Variants in KIF18A observed in about 807,000 individuals in gnomAD.
KIF18A encodes the protein kinesin family member 18A, also known as kinesin-like protein KIF18A.
In KIF18A, 67 loss-of-function variants were observed where a neutral mutation model predicts 103.3. That is an observed-to-expected ratio of 0.65 (90% CI 0.53 to 0.79). The LOEUF (loss-of-function observed/expected upper bound fraction) is 0.79. Ranked by LOEUF, KIF18A falls within the 30% of genes least tolerant of loss-of-function variation. KIF18A has a pLI of 0.00. For synonymous variants in KIF18A, 367 were observed against 355.5 expected, an observed-to-expected ratio of 1.03 and a Z score of -0.36; for missense variants, 1,032 against 1,062.5, an observed-to-expected ratio of 0.97 and a Z score of 0.40.
Position 28,084,810 on chromosome 11 carries a change from T to C in KIF18A, c.898-2A>G. 1 of 1,606,410 alleles carries C rather than the reference T, an allele frequency of 6.2e-7. No homozygotes were observed. The highest frequency in any genetic ancestry group is 8.5e-7 in the Non-Finnish European group (1 of 1,176,104). On this transcript the variant is annotated splice_acceptor_variant, in intron 6 of 16. Coordinates refer to ENST00000263181, the MANE Select transcript of KIF18A (RefSeq NM_031217.4). LOFTEE classifies it high-confidence loss of function. ...GTAAGGGATATGCTGATTCTTTCTC[T>C]GAAAGCACAAAAAAGAGATCTTATG...
chr11:28,097,989 C>A lies in KIF18A; in HGVS notation c.-42G>T. ...TCCTATCTGTATAAATACTTGAATA[C>A]TTCTCTGAAATTAAAAAAGAAAATA... On this transcript the variant is annotated 5_prime_UTR_variant, in exon 2 of 17. Transcript: ENST00000263181. 2 of 1,361,574 alleles carry A rather than the reference C, an allele frequency of 1.5e-6. No individual in the cohort carries two copies. The highest frequency in any genetic ancestry group is 2.0e-6 in the Non-Finnish European group (2 of 1,004,536). The allele number at this position is 1,361,574 out of a possible 1,614,324, so 84.3% of individuals were successfully genotyped here. A position where few individuals can be genotyped will look rare whatever the true frequency, so the allele number is the denominator to read the frequency against.
chr11:28,057,470 G>A (rs556468625), intron 13 of KIF18A, among the ~76,000 whole-genome samples: 3 of 152,190 alleles, frequency 2.0e-5, no homozygotes, highest in East Asian at 1.9e-4. Context: ...AGCAGAGATC[G>A]CGCCACTGCA....
chr11:28,091,976 T>C (rs1851310946), intron 3 of KIF18A, among the ~76,000 whole-genome samples: 1 of 152,106 alleles, frequency 6.6e-6, no homozygotes, highest in African/African-American at 2.4e-5. Flanking sequence ...CCACCACGCC[T>C]GGCTAATTTT....
chr11:28,075,965 G>T lies in KIF18A; in HGVS notation c.1425+1042C>A, dbSNP rs571801492. Among the ~76,000 whole-genome samples, 4 of 152,076 alleles carry T rather than the reference G, an allele frequency of 2.6e-5. No individual in the cohort carries two copies. In the South Asian group the frequency reaches 8.3e-4, roughly 32 times the overall value. On this transcript the variant is annotated intron_variant, in intron 10 of 16. Coordinates refer to ENST00000263181, the MANE Select transcript of KIF18A (RefSeq NM_031217.4). ...ACTTTTTTTTCTTACCCCAGGCATG[G>T]TTACTTGGGGTAAGAAAAGCAACCA...
At chr11:28,038,444 T>A (rs61888964) in intron 13 of KIF18A, among the ~76,000 whole-genome samples, 12 of 151,770 alleles carry the variant, frequency 7.9e-5, no homozygotes, top group African/African-American at 1.4e-4. Context: ...GAGTGTACGG[T>A]CAATGGAAGA....
At chr11:28,081,611 G>A (rs370826809) in intron 9 of KIF18A, among the ~76,000 whole-genome samples, 12 of 152,196 alleles carry the variant, frequency 7.9e-5, no homozygotes, top group African/African-American at 2.2e-4. Flanking sequence ...AATACACCTG[G>A]TCACTCAGGA....
At position 28,035,497 on chromosome 11, in the gene KIF18A, G is replaced by C; in HGVS notation, c.2397-3C>G. On this transcript the variant is annotated splice_polypyrimidine_tract_variant and splice_region_variant and intron_variant, in intron 14 of 16. Transcript: ENST00000263181. Reference sequence around the variant, plus strand: ...TTGAGAATGAAGAAGGATCAAGCCTGTATATTAATAGTGACAAATAAAAAA... The same window carrying C: ...TTGAGAATGAAGAAGGATCAAGCCTCTATATTAATAGTGACAAATAAAAAA... 1 of 1,525,448 alleles carries C rather than the reference G, an allele frequency of 6.6e-7. No homozygotes were observed. The highest frequency in any genetic ancestry group is 8.9e-7 in the Non-Finnish European group (1 of 1,120,298). The allele number at this position is 1,525,448 out of a possible 1,614,324, so 94.5% of individuals were successfully genotyped here.
At chr11:28,024,621 T>A (rs1295826729) in intron 15 of KIF18A, among the ~76,000 whole-genome samples, 1 of 152,104 alleles carries the variant, frequency 6.6e-6, no homozygotes, top group East Asian at 1.9e-4. Flanking sequence ...AAGGTTTCCA[T>A]AATACAAGGA....
chr11:28,089,331 G>A (rs536136324), intron 5 of KIF18A, among the ~76,000 whole-genome samples: 1 of 152,312 alleles, frequency 6.6e-6, no homozygotes, highest in African/African-American at 2.4e-5. Flanking sequence ...GAGAGAAAAT[G>A]ATAAAATCCA....
chr11:28,101,040 C>T (rs1036324029), intron 1 of KIF18A, among the ~76,000 whole-genome samples: 3 of 152,146 alleles, frequency 2.0e-5, no homozygotes, highest in Non-Finnish European at 2.9e-5. Context: ...ATCTGCCCCA[C>T]TCCTGCTTCT....
At chr11:28,091,560 TG>T in intron 3 of KIF18A, 47 bp from the exon 4 acceptor site, 1 of 919,878 alleles carries the variant, frequency 1.1e-6, no homozygotes, top group Admixed American at 2.2e-5. Context: ...AAAAAAAAAA[TG>T]GTGATTACAT....
rs765252732 is a variant in KIF18A at position 28,082,844 on chromosome 11, T to C, written c.1262+12A>G. 2 of 1,460,058 alleles carry C rather than the reference T, an allele frequency of 1.4e-6. No individual in the cohort carries two copies. The highest frequency in any genetic ancestry group is 1.9e-6 in the Non-Finnish European group (2 of 1,059,810). The allele number at this position is 1,460,058 out of a possible 1,614,324, so 90.4% of individuals were successfully genotyped here. On this transcript the variant is annotated intron_variant, in intron 9 of 16. Coordinates refer to ENST00000263181, the MANE Select transcript of KIF18A (RefSeq NM_031217.4). ...TAAATTCCTCAAAATTAGATCTTAATGTAATGTTTACCTTTCGATTTCTTT... is the reference window on the plus strand; with the variant it reads ...TAAATTCCTCAAAATTAGATCTTAACGTAATGTTTACCTTTCGATTTCTTT...
At chr11:28,031,689 A>C (rs933566698) in intron 15 of KIF18A, among the ~76,000 whole-genome samples, 2 of 151,758 alleles carry the variant, frequency 1.3e-5, no homozygotes, top group African/African-American at 2.4e-5. Flanking sequence ...AAAAAAAAAA[A>C]CAACTCTCAA....
Position 28,096,065 on chromosome 11 carries a change from G to A in KIF18A, c.326-1265C>T, listed in dbSNP as rs1590711472. 2.2e-5 allele frequency among the ~76,000 whole-genome samples: 3 copies of A among 136,230 alleles called. No individual in the cohort carries two copies. The Admixed American group carries it at 2.4e-4, about 11-fold the overall frequency. The allele number at this position is 136,230 out of a possible 152,430, so 89.4% of individuals were successfully genotyped here. A position where few individuals can be genotyped will look rare whatever the true frequency, so the allele number is the denominator to read the frequency against. On this transcript the variant is annotated intron_variant, in intron 2 of 16. Coordinates refer to ENST00000263181, the MANE Select transcript of KIF18A (RefSeq NM_031217.4). ...AAATCCACTCTGTGAATTACATATGGTAAATACCCAATACAATAATCAGTT... is the reference window on the plus strand; with the variant it reads ...AAATCCACTCTGTGAATTACATATGATAAATACCCAATACAATAATCAGTT...
At chr11:28,097,336 T>C (rs751315408) in intron 2 of KIF18A, 11 of 283,910 alleles carry the variant, frequency 3.9e-5, no homozygotes, top group Non-Finnish European at 5.9e-5. Context: ...CTGATGTTAA[T>C]TGCAATAAGC....
At chr11:28,022,010 C>T (rs556728804) in intron 16 of KIF18A, among the ~76,000 whole-genome samples, 1 of 152,186 alleles carries the variant, frequency 6.6e-6, no homozygotes, top group East Asian at 1.9e-4. Flanking sequence ...TACTGATGGT[C>T]CTATGTTTCT....
At chr11:28,047,461 C>A (rs939632312) in intron 13 of KIF18A, among the ~76,000 whole-genome samples, 1 of 152,124 alleles carries the variant, frequency 6.6e-6, no homozygotes. Flanking sequence ...GTGGTCCTAA[C>A]TACTGGCCAC....
At chr11:28,098,644 C>A (rs908378026) in intron 1 of KIF18A, among the ~76,000 whole-genome samples, 1 of 152,010 alleles carries the variant, frequency 6.6e-6, no homozygotes, top group Non-Finnish European at 1.5e-5. Flanking sequence ...ATTCAGAGAC[C>A]TAGTCTCTGA....
chr11:28,027,370 C>T (rs1055595074), intron 15 of KIF18A, among the ~76,000 whole-genome samples: 2 of 151,706 alleles, frequency 1.3e-5, no homozygotes, highest in African/African-American at 2.4e-5. Context: ...AGTTGTTTTA[C>T]TACTATATAC....
Sources: allele counts gnomAD v4.1 joint callset (sites outside exome capture counted in the v4.1 genomes callset), GRCh38; gene constraint gnomAD v4.1.1; transcripts MANE v1.5; gene names NCBI Gene and HGNC (gene_info 2026-07-23, HGNC 2026-07-21).